The following NRXN1 variants were observed in gnomAD, a reference collection of about 807,000 sequenced individuals.
The protein encoded by NRXN1 is neurexin-1.
A neutral mutation model predicts 150.9 loss-of-function variants in NRXN1; 39 were observed. The ratio of observed to expected loss-of-function variants is 0.26; its 90% CI spans 0.20 to 0.34. The LOEUF (loss-of-function observed/expected upper bound fraction) is 0.34. Ranked by LOEUF, NRXN1 falls within the 10% of genes least tolerant of loss-of-function variation. NRXN1 has a pLI of 1.00. For synonymous variants in NRXN1, 924 were observed against 757.0 expected (o/e 1.22, Z -3.62); for missense variants, 1,815 against 1,949.9 (o/e 0.93, Z 1.30).
At chr2:49,964,068 A>G (rs575159342) in intron 21 of NRXN1, among the ~76,000 whole-genome samples, 1 of 152,272 alleles carries the variant, frequency 6.6e-6, no homozygotes, top group South Asian at 2.1e-4. Flanking sequence ...TGAAGCCTGA[A>G]GTTCAGGGAA....
intron 5 of NRXN1, among the ~76,000 whole-genome samples, chr2:50,773,936 C>T (rs1374969291): frequency 6.6e-6 from 1 of 152,054 alleles, no homozygotes; most frequent in African/African-American, 2.4e-5. Context: ...AAGAAACAGG[C>T]CCAGCGCCAC....
At chr2:49,990,665 G>A (rs1215359435) in intron 21 of NRXN1, among the ~76,000 whole-genome samples, 1 of 152,076 alleles carries the variant, frequency 6.6e-6, no homozygotes, top group South Asian at 2.1e-4. Context: ...AATTTGGGAA[G>A]TGAAAAGCAG....
At chr2:50,056,367 G>T (rs189325377) in intron 19 of NRXN1, among the ~76,000 whole-genome samples, 1 of 152,094 alleles carries the variant, frequency 6.6e-6, no homozygotes, top group Admixed American at 6.6e-5. Context: ...CTATCTTTTA[G>T]ACCTCATCAA....
chr2:50,532,348 T>C (rs909841745), intron 10 of NRXN1, among the ~76,000 whole-genome samples: 1 of 151,630 alleles, frequency 6.6e-6, no homozygotes, highest in Non-Finnish European at 1.5e-5. Context: ...ATAGAATTAT[T>C]TTTAAAAGAA....
chr2:50,375,073 C>G (rs751990502), intron 17 of NRXN1, among the ~76,000 whole-genome samples: 4 of 152,218 alleles, frequency 2.6e-5, no homozygotes, highest in Admixed American at 2.6e-4. Context: ...TTGTTTATAT[C>G]TTAGTGAAAG....
chr2:50,245,212 G>A (rs1197201895), intron 17 of NRXN1, among the ~76,000 whole-genome samples: 1 of 151,906 alleles, frequency 6.6e-6, no homozygotes, highest in Non-Finnish European at 1.5e-5. Context: ...CAAATTCAAA[G>A]TCCTGGGAAC....
intron 5 of NRXN1, chr2:50,632,927 C>T (rs190856676): frequency 8.5e-5 from 13 of 152,178 alleles, no homozygotes. Context: ...AGCAATCTCT[C>T]AATTTTTATT....
At chr2:50,997,695 G>C (rs775191043) in intron 2 of NRXN1, among the ~76,000 whole-genome samples, 12 of 140,116 alleles carry the variant, frequency 8.6e-5, no homozygotes, top group Non-Finnish European at 1.6e-4. Context: ...AAATTATCTG[G>C]AGACGGTTTT....
intron 2 of NRXN1, among the ~76,000 whole-genome samples, chr2:50,964,601 A>G (rs1405792445): frequency 6.6e-6 from 1 of 151,502 alleles, no homozygotes; most frequent in Non-Finnish European, 1.5e-5. Flanking sequence ...TGTAAAAGAA[A>G]GCACTACAAA....
At chr2:50,355,683 T>G (rs2078751855) in intron 17 of NRXN1, among the ~76,000 whole-genome samples, 1 of 152,218 alleles carries the variant, frequency 6.6e-6, no homozygotes, top group African/African-American at 2.4e-5. Flanking sequence ...ATTTCCCCAT[T>G]GGAAAAATTT....
chr2:50,629,668 A>C (rs1291029507), intron 5 of NRXN1, among the ~76,000 whole-genome samples: 1 of 151,736 alleles, frequency 6.6e-6, no homozygotes, highest in Non-Finnish European at 1.5e-5. Context: ...AATTTGTCTG[A>C]TGAAGTATTT....
chr2:50,175,005 T>A (rs954811137), intron 18 of NRXN1: 1 of 152,190 alleles, frequency 6.6e-6, no homozygotes. Context: ...GGGTAGGCTA[T>A]AGATTATTGC....
intron 13 of NRXN1, among the ~76,000 whole-genome samples, chr2:50,505,049 T>C (rs748717612): frequency 6.6e-6 from 1 of 152,194 alleles, no homozygotes; most frequent in African/African-American, 2.4e-5. Flanking sequence ...GTAGTTCATC[T>C]GTTACTCTAT....
intron 21 of NRXN1, among the ~76,000 whole-genome samples, chr2:50,027,404 C>T (rs144225688): frequency 1.5e-3 from 153 of 101,140 alleles, no homozygotes; most frequent in Non-Finnish European, 2.5e-3. Flanking sequence ...CTTCCTTCCT[C>T]CCTCCCTCCC....
At chr2:51,013,056 T>C (rs1163519192) in intron 2 of NRXN1, among the ~76,000 whole-genome samples, 1 of 152,012 alleles carries the variant, frequency 6.6e-6, no homozygotes, top group East Asian at 1.9e-4. Flanking sequence ...ATTCTGTGGT[T>C]ATGCAGCAGG....
chr2:50,577,134 TG>T (rs1388569346), intron 8 of NRXN1, among the ~76,000 whole-genome samples: 2 of 152,118 alleles, frequency 1.3e-5, no homozygotes, highest in African/African-American at 4.8e-5. Flanking sequence ...AGATGATTCT[TG>T]GTGAGACGCT....
chr2:50,262,403 T>A (rs1006684416), intron 17 of NRXN1, among the ~76,000 whole-genome samples: 1 of 152,038 alleles, frequency 6.6e-6, no homozygotes, highest in East Asian at 1.9e-4. Flanking sequence ...ATAGAAATAG[T>A]AGTCTAAAAC....
Position 50,552,592 on chromosome 2 carries a change from C to A in NRXN1, c.1754G>T (p.Arg585Leu), listed in dbSNP as rs1235200815. 35 of 1,607,430 alleles carry A rather than the reference C, an allele frequency of 2.2e-5. No homozygotes were observed. The highest frequency in any genetic ancestry group is 3.0e-5 in the Non-Finnish European group (35 of 1,174,608). The change falls in exon 9 of 23, where the codon CGG (arginine) becomes CTG (leucine). Residue 585 changes from arginine (R) to leucine (L), a missense_variant. Arg to Leu is a moderately radical substitution (Grantham distance 102). Transcript: ENST00000401669. ...WYHVDFQRDG[R>L]SGTISVNTLR... ...TAGAAAAATGATAAGATTACCTGAC[C>A]GTCCGTCTCTCTGGAAGTCCACATG...
chr2:50,277,835 C>T (rs72874408), intron 17 of NRXN1, among the ~76,000 whole-genome samples: 1,657 of 151,862 alleles, frequency 0.011, 26 homozygotes, highest in African/African-American at 0.037. Context: ...TTTTGATGCA[C>T]CCTTCAAATT....
Sources: allele counts gnomAD v4.1 joint callset (sites outside exome capture counted in the v4.1 genomes callset), GRCh38; gene constraint gnomAD v4.1.1; transcripts MANE v1.5; gene names NCBI Gene and HGNC (gene_info 2026-07-23, HGNC 2026-07-21).